Variants in NCALD observed in about 807,000 individuals in gnomAD.
The protein encoded by NCALD is neurocalcin delta.
In NCALD, 10 loss-of-function variants were observed where a neutral mutation model predicts 18.6. The observed-to-expected ratio is 0.54, with a 90% CI of 0.33 to 0.91. The LOEUF is 0.91. NCALD is among the 40% of genes least tolerant of loss of function. The pLI, the probability that NCALD is intolerant of heterozygous loss-of-function variation, is 0.03. For missense variants in NCALD, 184 were observed against 247.6 expected (o/e 0.74, Z 1.72); for synonymous variants, 88 against 87.4 (o/e 1.01, Z -0.04).
At chr8:101,717,464 C>T (rs966805569) in intron 2 of NCALD, among the ~76,000 whole-genome samples, 17 of 151,662 alleles carry the variant, frequency 1.1e-4, no homozygotes, top group Admixed American at 3.3e-4. Flanking sequence ...CGTGGAGGGA[C>T]GGGATTCAGC....
intron 2 of NCALD, among the ~76,000 whole-genome samples, chr8:101,948,971 T>G (rs184240942): frequency 1.5e-4 from 23 of 152,314 alleles, no homozygotes; most frequent in Admixed American, 2.6e-4. Context: ...GGACCTGGCA[T>G]GTACCAAGAG....
chr8:101,919,536 T>G (rs1818089644), intron 2 of NCALD, among the ~76,000 whole-genome samples: 1 of 151,892 alleles, frequency 6.6e-6, no homozygotes, highest in South Asian at 2.1e-4. Context: ...AAATAAGAAC[T>G]AATTAAACTA....
At chr8:101,946,208 C>A (rs1374370793) in intron 2 of NCALD, among the ~76,000 whole-genome samples, 2 of 152,064 alleles carry the variant, frequency 1.3e-5, no homozygotes, top group East Asian at 1.9e-4. Context: ...AATTTACAAT[C>A]TTTGATGTTT....
At chr8:102,097,086 T>C (rs1036572568) in intron 1 of NCALD, among the ~76,000 whole-genome samples, 3 of 152,150 alleles carry the variant, frequency 2.0e-5, no homozygotes, top group South Asian at 2.1e-4. Flanking sequence ...CCTGAAAACA[T>C]GAGCATCACC....
rs112580351 is a variant in NCALD at position 101,796,280 on chromosome 8, A to T, written c.-19-76632T>A. Reference sequence around the variant, plus strand: ...TCTTTCAGAACCTCTAAAATTTTTCATACACCATTTTCAATTCAATCCCAA... The same window carrying T: ...TCTTTCAGAACCTCTAAAATTTTTCTTACACCATTTTCAATTCAATCCCAA... On this transcript the variant is annotated intron_variant, in intron 4 of 6. Coordinates refer to the NCALD transcript ENST00000311028. Among the ~76,000 whole-genome samples, 1,108 of 152,280 alleles carry T rather than the reference A, an allele frequency of 7.3e-3. 14 individuals are homozygous for T. The highest frequency in any genetic ancestry group is 0.024 in the African/African-American group (994 of 41,552).
chr8:101,777,973 A>G (rs1208531133), intron 1 of NCALD, among the ~76,000 whole-genome samples: 2 of 152,354 alleles, frequency 1.3e-5, no homozygotes, highest in East Asian at 3.9e-4. Flanking sequence ...TGAAGAATTC[A>G]GGTCTGGAGC....
chr8:102,054,709 GATA>G lies in NCALD; in HGVS notation c.-209-34423_-209-34421del, dbSNP rs1563578268. Among the ~76,000 whole-genome samples, 196 of 112,346 alleles carry G rather than the reference GATA, an allele frequency of 1.7e-3. 1 individual carries two copies. Among genetic ancestry groups the G allele is most frequent in the African/African-American group, 5.3e-3 (168 of 31,812 alleles). 73.7% of individuals were successfully genotyped at this position (112,346 alleles called of 152,430 possible). On this transcript the variant is annotated intron_variant, in intron 1 of 6. Coordinates refer to the NCALD transcript ENST00000311028. ...AGATAGATAGATAGATAGATAGATA[GATA>G]GATAGATATCCTATAGATAGATAGA...
intron 1 of NCALD, among the ~76,000 whole-genome samples, chr8:101,763,178 A>C (rs1811185046): frequency 6.6e-6 from 1 of 152,204 alleles, no homozygotes; most frequent in Non-Finnish European, 1.5e-5. Flanking sequence ...AAAACAATAA[A>C]TACTATGGAT....
In NCALD at chr8:101,804,291, CTATTATATATAATTATATCAATTATA is replaced by C. The variant is rs59006568; in HGVS notation, c.-20+82824_-20+82849del. Among the ~76,000 whole-genome samples, 375 of 117,364 alleles carry C rather than the reference CTATTATATATAATTATATCAATTATA, an allele frequency of 3.2e-3. 6 individuals are homozygous for C. The highest frequency in any genetic ancestry group is 0.013 in the South Asian group (47 of 3,680). 77.0% of individuals were successfully genotyped at this position (117,364 alleles called of 152,430 possible). On this transcript the variant is annotated intron_variant, in intron 4 of 6. Transcript: ENST00000311028. ...ATCTCTAAATATATACTATTTATAA[CTATTATATATAATTATATCAATTATA>C]TATTATATATAATTATATCAATTAT...
At chr8:101,997,679 G>T (rs979215010) in intron 2 of NCALD, among the ~76,000 whole-genome samples, 1 of 152,152 alleles carries the variant, frequency 6.6e-6, no homozygotes, top group East Asian at 1.9e-4. Flanking sequence ...CACTGAATCT[G>T]CTGCAACTGG....
chr8:102,092,395 C>A (rs1824953502), intron 1 of NCALD, among the ~76,000 whole-genome samples: 1 of 152,210 alleles, frequency 6.6e-6, no homozygotes, highest in Non-Finnish European at 1.5e-5. Flanking sequence ...AACTTGTTTT[C>A]ACTTTACTCC....
At chr8:101,729,937 G>T (rs1367402055) in intron 1 of NCALD, among the ~76,000 whole-genome samples, 1 of 152,040 alleles carries the variant, frequency 6.6e-6, no homozygotes, top group Non-Finnish European at 1.5e-5. Context: ...TCCAAATATG[G>T]AAATACCATT....
intron 2 of NCALD, among the ~76,000 whole-genome samples, chr8:102,008,897 C>A (rs1821803127): frequency 6.8e-6 from 1 of 146,322 alleles, no homozygotes; most frequent in Non-Finnish European, 1.5e-5. Context: ...CTACCACCCC[C>A]ACCTCCACCC....
At chr8:101,867,409 C>T (rs1815818736) in intron 4 of NCALD, among the ~76,000 whole-genome samples, 1 of 152,192 alleles carries the variant, frequency 6.6e-6, no homozygotes, top group African/African-American at 2.4e-5. Flanking sequence ...GCCTGGTGCA[C>T]AGTAGAAGCT....
chr8:101,747,795 G>A (rs927296536), intron 1 of NCALD, among the ~76,000 whole-genome samples: 6 of 150,118 alleles, frequency 4.0e-5, no homozygotes, highest in African/African-American at 1.5e-4. Context: ...TCAGCTCACC[G>A]CAACCTCTCC....
chr8:101,956,006 T>C (rs1181056498), intron 2 of NCALD, among the ~76,000 whole-genome samples: 1 of 152,116 alleles, frequency 6.6e-6, no homozygotes. Flanking sequence ...CAGAAAATGA[T>C]GGAAAGTAAA....
At chr8:101,691,730 C>T (rs892219871) in intron 3 of NCALD, 2 of 985,258 alleles carry the variant, frequency 2.0e-6, no homozygotes, top group Non-Finnish European at 1.2e-6. Flanking sequence ...CCATACCACA[C>T]AAACCCAGAT....
intron 1 of NCALD, among the ~76,000 whole-genome samples, chr8:102,028,145 A>G (rs947353911): frequency 5.0e-4 from 76 of 152,364 alleles, no homozygotes; most frequent in African/African-American, 1.8e-3. Flanking sequence ...AGGAGCATGT[A>G]GAAGTATTCA....
At chr8:101,759,153 T>G (rs1475531218) in intron 1 of NCALD, among the ~76,000 whole-genome samples, 2 of 152,186 alleles carry the variant, frequency 1.3e-5, no homozygotes, top group Admixed American at 6.5e-5. Context: ...CCGAAATGCT[T>G]TTTGGAAGAC....
Sources: allele counts gnomAD v4.1 joint callset (sites outside exome capture counted in the v4.1 genomes callset), GRCh38; gene constraint gnomAD v4.1.1; transcripts MANE v1.5; gene names NCBI Gene and HGNC (gene_info 2026-07-23, HGNC 2026-07-21).